FOCAD: variants seen among roughly 807,000 people sequenced by gnomAD.
FOCAD encodes KIAA1797.
A neutral mutation model predicts 225.6 loss-of-function variants in FOCAD; 198 were observed. The ratio of observed to expected loss-of-function variants is 0.88; its 90% CI spans 0.78 to 0.99. The LOEUF (loss-of-function observed/expected upper bound fraction) is 0.99. Among genes scored for constraint, FOCAD ranks in the 50% least tolerant of loss-of-function variants. FOCAD has a pLI of 0.00. For missense variants in FOCAD, 2,713 were observed against 2,123.6 expected, an observed-to-expected ratio of 1.28 and a Z score of -5.46; for synonymous variants, 897 against 755.0, an observed-to-expected ratio of 1.19 and a Z score of -3.08.
intron 15 of FOCAD, among the ~76,000 whole-genome samples, chr9:20,850,915 A>G (rs1827584110): frequency 6.7e-6 from 1 of 150,128 alleles, no homozygotes; most frequent in African/African-American, 2.5e-5. Context: ...AGTCTCTACT[A>G]CCTGATGCTA....
intron 35 of FOCAD, among the ~76,000 whole-genome samples, chr9:20,956,135 A>T (rs1838117448): frequency 6.6e-6 from 1 of 152,192 alleles, no homozygotes; most frequent in Non-Finnish European, 1.5e-5. Context: ...TTGGATACGA[A>T]GTACAGGTAG....
At chr9:20,901,336 A>G (rs1212232397) in intron 21 of FOCAD, among the ~76,000 whole-genome samples, 2 of 151,774 alleles carry the variant, frequency 1.3e-5, no homozygotes, top group Non-Finnish European at 2.9e-5. Flanking sequence ...TGTGGCAAAC[A>G]TGAAAAATGC....
intron 30 of FOCAD, among the ~76,000 whole-genome samples, 181 bp from the exon 31 acceptor site, chr9:20,948,090 A>T (rs1167550444): frequency 2.0e-5 from 3 of 150,486 alleles, no homozygotes; most frequent in African/African-American, 7.3e-5. Context: ...GATGCAAACC[A>T]GTCTAGATTA....
intron 6 of FOCAD, among the ~76,000 whole-genome samples, chr9:20,759,189 T>C (rs1011524225): frequency 2.0e-5 from 3 of 152,196 alleles, no homozygotes; most frequent in African/African-American, 7.2e-5. Context: ...ATGGCCATAC[T>C]GCCCAAGGCC....
chr9:20,876,436 G>A (rs1039561101), intron 19 of FOCAD, among the ~76,000 whole-genome samples: 1 of 152,070 alleles, frequency 6.6e-6, no homozygotes, highest in Admixed American at 6.6e-5. Flanking sequence ...GAGAAGTGGG[G>A]GAATATTTGT....
At chr9:20,863,482 T>A (rs140457424) in intron 16 of FOCAD, 231 of 152,258 alleles carry the variant, frequency 1.5e-3, no homozygotes, top group African/African-American at 5.2e-3. Context: ...GCACAATGAA[T>A]AAAATCAAAT....
At chr9:20,840,075 A>G (rs2131557919) in intron 15 of FOCAD, among the ~76,000 whole-genome samples, 1 of 152,120 alleles carries the variant, frequency 6.6e-6, no homozygotes, top group Admixed American at 6.6e-5. Flanking sequence ...TTGTAATGTT[A>G]TTTGAAGTCA....
At position 20,849,955 on chromosome 9, in the gene FOCAD, A is replaced by AT. The variant is rs201390141; in HGVS notation, c.1921-12617dup. 2.2e-3 allele frequency among the ~76,000 whole-genome samples: 335 copies of AT among 151,960 alleles called. 5 individuals are homozygous for AT. In the East Asian group the frequency reaches 0.037, roughly 17 times the overall value. On this transcript the variant is annotated intron_variant, in intron 15 of 43. Transcript: ENST00000338382. ...TCAAAATATTGATTTTTGGGGAAGC[A>AT]TTTTTTATCAAGGAACCATCTTGCT... is the stretch of plus-strand genomic sequence containing the variant.
intron 11 of FOCAD, among the ~76,000 whole-genome samples, chr9:20,795,336 GT>G (rs1820939376): frequency 6.6e-6 from 1 of 152,284 alleles, no homozygotes; most frequent in South Asian, 2.1e-4. Context: ...AGGTATTCCT[GT>G]TACCACAATT....
chr9:20,884,969 G>A, intron 20 of FOCAD, 140 bp from the exon 21 acceptor site: 1 of 275,580 alleles, frequency 3.6e-6, no homozygotes. Context: ...TGAGGCAGAA[G>A]AATCCCTTGA....
chr9:20,819,788 C>T lies in FOCAD; in HGVS notation c.1456-8C>T. 3 of 1,472,650 alleles carry T rather than the reference C, an allele frequency of 2.0e-6. No homozygotes were observed. Among genetic ancestry groups the T allele is most frequent in the East Asian group, 2.4e-5 (1 of 40,882 alleles). 91.2% of individuals were successfully genotyped at this position (1,472,650 alleles called of 1,614,324 possible). On this transcript the variant is annotated splice_region_variant and splice_polypyrimidine_tract_variant and intron_variant, in intron 11 of 43. Transcript: ENST00000338382. ...GCATATTTAATATATTTTAAAAATT[C>T]ATTTTAGGTGCCAAATCTGATTCCA...
intron 37 of FOCAD, among the ~76,000 whole-genome samples, chr9:20,979,027 T>C (rs903411209): frequency 6.6e-6 from 1 of 152,138 alleles, no homozygotes; most frequent in African/African-American, 2.4e-5. Flanking sequence ...GTGTTTTTGA[T>C]AGAGGGGGCT....
intron 19 of FOCAD, among the ~76,000 whole-genome samples, chr9:20,880,153 A>T (rs1254954541): frequency 1.3e-5 from 2 of 152,158 alleles, no homozygotes; most frequent in African/African-American, 4.8e-5. Context: ...ATGACAAGAA[A>T]GGGTGGGGGA....
chr9:20,731,720 C>T (rs1163718002), intron 4 of FOCAD, among the ~76,000 whole-genome samples: 1 of 152,044 alleles, frequency 6.6e-6, no homozygotes, highest in Non-Finnish European at 1.5e-5. Flanking sequence ...CGGGTTCAAG[C>T]GATTCTCCTG....
rs145444168 is a variant in FOCAD at position 20,719,725 on chromosome 9, G to A, written c.133-655G>A. On this transcript the variant is annotated intron_variant, in intron 3 of 43. Transcript: ENST00000338382. ...TTCTATCAGTGAAGACAGAGTCACA[G>A]TGTGAGAGGGGGAAAGTCACAGTTT... Among the ~76,000 whole-genome samples, 16 of 148,868 alleles carry A rather than the reference G, an allele frequency of 1.1e-4. No homozygotes were observed. The East Asian group carries it at 3.0e-3, about 28-fold the overall frequency.
intron 11 of FOCAD, among the ~76,000 whole-genome samples, chr9:20,805,107 C>A (rs912801488): frequency 6.6e-6 from 1 of 152,082 alleles, no homozygotes; most frequent in Non-Finnish European, 1.5e-5. Context: ...TGGTTTATGT[C>A]GAAATCAAGA....
chr9:20,913,547 A>G (rs1167317253), intron 23 of FOCAD, among the ~76,000 whole-genome samples: 2 of 152,234 alleles, frequency 1.3e-5, no homozygotes, highest in Admixed American at 1.3e-4. Flanking sequence ...ATGTAAGTAA[A>G]GTGCCTAAAG....
intron 15 of FOCAD, among the ~76,000 whole-genome samples, chr9:20,828,957 G>A (rs997189840): frequency 6.6e-6 from 1 of 152,128 alleles, no homozygotes; most frequent in Non-Finnish European, 1.5e-5. Context: ...TTCCTGCAAA[G>A]GACATGCTCT....
In FOCAD at chr9:20,848,137, A is replaced by G. The variant is rs113403670; in HGVS notation, c.1921-14441A>G. 7.5e-3 allele frequency among the ~76,000 whole-genome samples: 1,129 copies of G among 151,266 alleles called. 15 individuals carry two copies. Among genetic ancestry groups the G allele is most frequent in the African/African-American group, 0.026 (1,069 of 41,190 alleles). Reference sequence around the variant, plus strand: ...TGATCATAGTTTTACATGGTATGGAATCCTTCAGATGAAGATCCAGAGATA... The same window carrying G: ...TGATCATAGTTTTACATGGTATGGAGTCCTTCAGATGAAGATCCAGAGATA... On this transcript the variant is annotated intron_variant, in intron 15 of 43. Coordinates refer to ENST00000338382, the MANE Select transcript of FOCAD (RefSeq NM_001375567.1).
Sources: allele counts gnomAD v4.1 joint callset (sites outside exome capture counted in the v4.1 genomes callset), GRCh38; gene constraint gnomAD v4.1.1; transcripts MANE v1.5; gene names NCBI Gene and HGNC (gene_info 2026-07-23, HGNC 2026-07-21).